ADGRE3: variants seen among roughly 807,000 people sequenced by gnomAD.
ADGRE3 encodes the protein EGF-like module receptor 3.
A neutral mutation model predicts 80.1 loss-of-function variants in ADGRE3; 88 were observed. That is an observed-to-expected ratio of 1.10 (90% CI 0.93 to 1.31). The LOEUF is 1.31. Ranked by LOEUF, ADGRE3 falls within the 40% of genes most tolerant of loss-of-function variation. ADGRE3 has a pLI of 0.00. For synonymous variants in ADGRE3, 281 were observed against 294.8 expected (o/e 0.95, Z 0.48); for missense variants, 715 against 776.5 (o/e 0.92, Z 0.94).
downstream of ADGRE3, among the ~76,000 whole-genome samples, chr19:14,614,727 G>GTAAT (rs1248845075): frequency 2.0e-5 from 3 of 151,740 alleles, no homozygotes; most frequent in Admixed American, 2.0e-4. Flanking sequence ...CAGGTACACC[G>GTAAT]TAATGCCCAG....
intron 11 of ADGRE3, among the ~76,000 whole-genome samples, chr19:14,635,451 C>T (rs530964947): frequency 6.6e-6 from 1 of 150,394 alleles, no homozygotes; most frequent in African/African-American, 2.5e-5. Context: ...CTCTTGTTGC[C>T]CAGGCTGGAG....
Position 14,625,484 on chromosome 19 carries a change from T to G in ADGRE3, c.1920+8A>C. The G allele has an allele frequency of 6.5e-7, 1 of 1,542,554 alleles. No individual in the cohort carries two copies. The highest frequency in any genetic ancestry group is 1.4e-5 in the African/African-American group (1 of 72,754). On this transcript the variant is annotated splice_region_variant and intron_variant, in intron 15 of 15. Transcript: ENST00000253673. Reference sequence around the variant, plus strand: ...AAAACATTAGAACAATTCAGATGTTTCACTTACCTCACTGGGTTTTGAGTC... The same window carrying G: ...AAAACATTAGAACAATTCAGATGTTGCACTTACCTCACTGGGTTTTGAGTC...
chr19:14,644,058 G>T (rs1971330236), intron 9 of ADGRE3, 50 bp downstream of exon 9: 7 of 1,152,122 alleles, frequency 6.1e-6, no homozygotes, highest in Non-Finnish European at 8.0e-6. Flanking sequence ...TTACCACTTA[G>T]TAGGGGCTCA....
intron 5 of ADGRE3, 95 bp downstream of exon 5, chr19:14,658,418 C>T (rs1424902751): frequency 5.2e-5 from 39 of 745,532 alleles, no homozygotes; most frequent in Non-Finnish European, 7.8e-5. Context: ...ATATTTTGCC[C>T]TAAATCCATC....
intron 11 of ADGRE3, among the ~76,000 whole-genome samples, chr19:14,633,723 T>TAAAA (rs1320513235): frequency 2.3e-5 from 3 of 128,034 alleles, no homozygotes; most frequent in African/African-American, 3.1e-5. Context: ...TAAAATAAAA[T>TAAAA]AAAATAAAAT....
chr19:14,616,227 T>C (rs111957647), downstream of ADGRE3, among the ~76,000 whole-genome samples: 15,183 of 152,038 alleles, frequency 0.1, 799 homozygotes, highest in African/African-American at 0.13. Flanking sequence ...ATCTCGGCCT[T>C]CCAAAGTGCT....
At chr19:14,663,147 C>T (rs958781919) in intron 3 of ADGRE3, among the ~76,000 whole-genome samples, 6 of 151,864 alleles carry the variant, frequency 4.0e-5, no homozygotes, top group African/African-American at 7.3e-5. Context: ...AGATTATAAG[C>T]GCCCCACACC....
chr19:14,633,434 C>G (rs553622179), intron 11 of ADGRE3, 132 bp from the exon 12 acceptor site: 2 of 611,414 alleles, frequency 3.3e-6, no homozygotes, highest in Non-Finnish European at 5.5e-6. Context: ...AGGCCAGGCA[C>G]GGTGGCTCAC....
chr19:14,606,931 C>A, the ADGRE3 span: 4 of 806,780 alleles, frequency 5.0e-6, no homozygotes, highest in South Asian at 5.3e-5. Context: ...GGGCACAGGG[C>A]AGGTCCTCAC....
At chr19:14,653,200 A>G (rs1327295203) in intron 6 of ADGRE3, among the ~76,000 whole-genome samples, 1 of 151,406 alleles carries the variant, frequency 6.6e-6, no homozygotes, top group Non-Finnish European at 1.5e-5. Flanking sequence ...CTGATCTCGA[A>G]CTCCTGACCT....
At position 14,638,238 on chromosome 19, in the gene ADGRE3, G is replaced by A; in HGVS notation, c.1351C>T (p.Leu451=). 6.2e-7 allele frequency: 1 copy of A among 1,614,132 alleles called. No homozygotes were observed. The highest frequency in any genetic ancestry group is 8.5e-7 in the Non-Finnish European group (1 of 1,180,008). The change falls in exon 11 of 16, where the codon CTG becomes TTG. Residue 451 remains leucine, a synonymous_variant. Transcript: ENST00000253673. ...GVHLFLTARN[L]TVVNYSSINR... ...ATGCTTGAGTAGTTGACCACTGTCA[G>A]GTTCCGTGCAGTGAGGAAGAGGTGC...
At position 14,625,558 on chromosome 19, in the gene ADGRE3, T is replaced by C; in HGVS notation, c.1854A>G (p.Lys618=). 2.5e-6 allele frequency: 4 copies of C among 1,613,882 alleles called. No homozygotes were observed. The highest frequency in any genetic ancestry group is 3.4e-6 in the Non-Finnish European group (4 of 1,179,772). The change falls in exon 15 of 16, where the codon AAA becomes AAG. Residue 618 remains lysine (K), a synonymous_variant. Transcript: ENST00000253673. The part of the protein sequence containing the change: ...QYQKWFREIV[K]SKSESETYTL... ...TGTATGTCTCAGACTCAGATTTTGA[T>C]TTTACGATCTCTCTAAACCACTTTT...
rs1396336169 is a variant in ADGRE3 at position 14,622,200 on chromosome 19, G to A, written c.1921-2729C>T. The A allele has an allele frequency of 7.4e-6, 7 of 945,984 alleles. 2 individuals carry two copies. In the Admixed American group the frequency reaches 1.2e-4, roughly 17 times the overall value. 58.6% of individuals were successfully genotyped at this position (945,984 alleles called of 1,614,324 possible). On this transcript the variant is annotated intron_variant, in intron 15 of 15. Transcript: ENST00000253673. ...CAGACACCACACTCGCAGATGCCCCGGCCATTGCAGATCTGTCCGTTGCTG... is the reference window on the plus strand; with the variant it reads ...CAGACACCACACTCGCAGATGCCCCAGCCATTGCAGATCTGTCCGTTGCTG...
At chr19:14,637,256 G>A (rs117971589) in intron 11 of ADGRE3, among the ~76,000 whole-genome samples, 2,816 of 152,206 alleles carry the variant, frequency 0.019, 40 homozygotes, top group Non-Finnish European at 0.029. Flanking sequence ...GATTTTGTCT[G>A]CTGTACCCTG....
At chr19:14,642,074 T>C (rs1971269168) in intron 9 of ADGRE3, among the ~76,000 whole-genome samples, 1 of 151,486 alleles carries the variant, frequency 6.6e-6, no homozygotes, top group Non-Finnish European at 1.5e-5. Flanking sequence ...GAGTGAAGAG[T>C]TTCAGTATTG....
At chr19:14,617,338 C>CT (rs1346705706), downstream of ADGRE3, among the ~76,000 whole-genome samples, 23 of 96,384 alleles carry the variant, frequency 2.4e-4, no homozygotes, top group South Asian at 3.1e-3. Context: ...CCCTCCCTCC[C>CT]TCCCTTTCTT....
At chr19:14,620,016 C>A (rs1970492955) in intron 15 of ADGRE3, among the ~76,000 whole-genome samples, 1 of 152,086 alleles carries the variant, frequency 6.6e-6, no homozygotes, top group Non-Finnish European at 1.5e-5. Flanking sequence ...ATGGTTCATT[C>A]ATAGAATTTC....
chr19:14,619,197 C>T lies in ADGRE3; in HGVS notation c.*236G>A, dbSNP rs1196608928. The T allele has an allele frequency of 2.0e-6, 1 of 505,590 alleles. No individual in the cohort carries two copies. The highest frequency in any genetic ancestry group is 3.6e-5 in the East Asian group (1 of 27,838). The allele number at this position is 505,590 out of a possible 1,614,324, so 31.3% of individuals were successfully genotyped here. On this transcript the variant is annotated 3_prime_UTR_variant, in exon 16 of 16. Coordinates refer to ENST00000253673, the MANE Select transcript of ADGRE3 (RefSeq NM_032571.5). Reference sequence around the variant, plus strand: ...CAAGGAAATATTTGCAGTGGTCATGCTTTGGGTTTCCAGGGACAAGCATTG... The same window carrying T: ...CAAGGAAATATTTGCAGTGGTCATGTTTTGGGTTTCCAGGGACAAGCATTG...
chr19:14,607,493 G>A, the ADGRE3 span, among the ~76,000 whole-genome samples: 729 of 151,652 alleles, frequency 4.8e-3, 7 homozygotes, highest in African/African-American at 0.012. Context: ...GTGAGCCACC[G>A]CGCCCGGCCA....
Sources: allele counts gnomAD v4.1 joint callset (sites outside exome capture counted in the v4.1 genomes callset), GRCh38; gene constraint gnomAD v4.1.1; transcripts MANE v1.5; gene names NCBI Gene and HGNC (gene_info 2026-07-23, HGNC 2026-07-21).